SLC30A8: variants seen among roughly 807,000 people sequenced by gnomAD.
The protein encoded by SLC30A8 is solute carrier family 30 member 8.
SLC30A8 carries 27 observed loss-of-function variants against 36.9 expected under a neutral mutation model. That is an observed-to-expected ratio of 0.73 (90% CI 0.54 to 1.01). The LOEUF (loss-of-function observed/expected upper bound fraction) is 1.01, where lower values mean the gene tolerates loss of function less well. SLC30A8 is among the 50% of genes least tolerant of loss of function. SLC30A8 has a pLI of 0.00. For missense variants in SLC30A8, 439 were observed against 452.0 expected, an observed-to-expected ratio of 0.97 and a Z score of 0.26; for synonymous variants, 164 against 172.4, an observed-to-expected ratio of 0.95 and a Z score of 0.38.
At chr8:117,094,889 G>A (rs1704349798) in intron 2 of SLC30A8, among the ~76,000 whole-genome samples, 1 of 152,266 alleles carries the variant, frequency 6.6e-6, no homozygotes, top group African/African-American at 2.4e-5. Context: ...TCCAGAGGGG[G>A]CCTAGGTGGC....
intron 1 of SLC30A8, among the ~76,000 whole-genome samples, chr8:117,035,072 C>T (rs1182880749): frequency 6.6e-6 from 1 of 152,130 alleles, no homozygotes; most frequent in Non-Finnish European, 1.5e-5. Context: ...GACACAGAGC[C>T]AAATGATATC....
intron 2 of SLC30A8, among the ~76,000 whole-genome samples, chr8:117,069,129 A>G (rs1301376726): frequency 1.3e-5 from 2 of 152,176 alleles, no homozygotes; most frequent in East Asian, 1.9e-4. Context: ...TTAGAGAGCA[A>G]TGCAAACTCA....
chr8:117,021,752 A>G (rs1415404019), intron 1 of SLC30A8, among the ~76,000 whole-genome samples: 1 of 152,174 alleles, frequency 6.6e-6, no homozygotes, highest in Non-Finnish European at 1.5e-5. Context: ...ATATATCAAG[A>G]CATGTATTAT....
At chr8:116,963,689 T>C (rs889782315) in intron 1 of SLC30A8, among the ~76,000 whole-genome samples, 4 of 152,260 alleles carry the variant, frequency 2.6e-5, no homozygotes, top group African/African-American at 9.6e-5. Context: ...TTCTACTTTT[T>C]GGCTATCGTG....
At chr8:117,001,680 C>T (rs1586383021) in intron 1 of SLC30A8, among the ~76,000 whole-genome samples, 1 of 152,130 alleles carries the variant, frequency 6.6e-6, no homozygotes, top group Non-Finnish European at 1.5e-5. Flanking sequence ...TAAAGTTGAG[C>T]TTTAGTTACA....
At chr8:117,116,294 G>A (rs570253438) in intron 2 of SLC30A8, among the ~76,000 whole-genome samples, 1 of 152,082 alleles carries the variant, frequency 6.6e-6, no homozygotes, top group South Asian at 2.1e-4. Context: ...TTCATGTTTT[G>A]ATCTAAAAAA....
intron 2 of SLC30A8, among the ~76,000 whole-genome samples, chr8:117,091,389 T>C (rs1819119137): frequency 6.6e-6 from 1 of 152,214 alleles, no homozygotes; most frequent in Non-Finnish European, 1.5e-5. Flanking sequence ...ATCCATTTTT[T>C]TTCTCTTTCA....
intron 2 of SLC30A8, among the ~76,000 whole-genome samples, chr8:117,057,425 C>T (rs1003122078): frequency 1.3e-5 from 2 of 151,990 alleles, no homozygotes; most frequent in Non-Finnish European, 2.9e-5. Context: ...ACATTAATTA[C>T]CTATAAGATG....
chr8:116,957,261 C>CT (rs1335224859), intron 1 of SLC30A8, among the ~76,000 whole-genome samples: 2 of 151,684 alleles, frequency 1.3e-5, no homozygotes, highest in South Asian at 2.1e-4. Flanking sequence ...CAGCACCATT[C>CT]TTTTTTTTAT....
At chr8:117,032,157 C>CT (rs370599939) in intron 1 of SLC30A8, among the ~76,000 whole-genome samples, 2,029 of 146,980 alleles carry the variant, frequency 0.014, 44 homozygotes, top group African/African-American at 0.048. Context: ...TCCTGCCATG[C>CT]TTTTTTTTTT....
At chr8:117,165,995 G>GGA (rs376325651) in intron 6 of SLC30A8, among the ~76,000 whole-genome samples, 51 of 152,216 alleles carry the variant, frequency 3.4e-4, no homozygotes, top group African/African-American at 1.1e-3. Flanking sequence ...AGTAGGATAG[G>GGA]GAGAGAGTTG....
chr8:116,973,091 C>G (rs922140097), intron 1 of SLC30A8, among the ~76,000 whole-genome samples: 1 of 152,180 alleles, frequency 6.6e-6, no homozygotes, highest in African/African-American at 2.4e-5. Flanking sequence ...TTGTCTCTTT[C>G]TAACATGTGA....
chr8:117,145,262 T>G (rs1190509285), intron 1 of SLC30A8, among the ~76,000 whole-genome samples: 1 of 152,142 alleles, frequency 6.6e-6, no homozygotes, highest in African/African-American at 2.4e-5. Context: ...AATCTAATTA[T>G]GTAAAAAATA....
At chr8:117,109,071 A>G (rs928383034) in intron 2 of SLC30A8, among the ~76,000 whole-genome samples, 2 of 152,176 alleles carry the variant, frequency 1.3e-5, no homozygotes, top group Non-Finnish European at 2.9e-5. Flanking sequence ...TGATGGTTCC[A>G]GTAAAAGTCA....
chr8:117,023,313 C>T (rs545348790), intron 1 of SLC30A8, among the ~76,000 whole-genome samples: 11 of 152,176 alleles, frequency 7.2e-5, no homozygotes, highest in Middle Eastern at 3.4e-3. Context: ...GTCAGTGTGG[C>T]GATTCCTCAG....
chr8:117,016,540 C>G (rs911033401), intron 1 of SLC30A8, among the ~76,000 whole-genome samples: 2 of 152,210 alleles, frequency 1.3e-5, no homozygotes, highest in African/African-American at 4.8e-5. Flanking sequence ...TGCACGCTAA[C>G]AGCTGCTAGT....
intron 2 of SLC30A8, among the ~76,000 whole-genome samples, chr8:117,113,574 A>G (rs1294725669): frequency 6.6e-6 from 1 of 152,134 alleles, no homozygotes; most frequent in Non-Finnish European, 1.5e-5. Flanking sequence ...ATTCTGATTT[A>G]ACAATTGCCT....
At chr8:117,106,195 C>T (rs1033792099) in intron 2 of SLC30A8, among the ~76,000 whole-genome samples, 1 of 152,234 alleles carries the variant, frequency 6.6e-6, no homozygotes, top group Admixed American at 6.5e-5. Flanking sequence ...TTAATAGTAG[C>T]CACTAGCCAC....
chr8:117,123,563 T>C (rs910099930), intron 2 of SLC30A8, among the ~76,000 whole-genome samples: 1 of 152,054 alleles, frequency 6.6e-6, no homozygotes, highest in Non-Finnish European at 1.5e-5. Context: ...AGTTTCATAA[T>C]GTAAAGCAAT....
Sources: allele counts gnomAD v4.1 joint callset (sites outside exome capture counted in the v4.1 genomes callset), GRCh38; gene constraint gnomAD v4.1.1; transcripts MANE v1.5; gene names NCBI Gene and HGNC (gene_info 2026-07-23, HGNC 2026-07-21).